The following KLC1 variants were observed in gnomAD, a reference collection of about 807,000 sequenced individuals.
KLC1 encodes kinesin light chain 1.
In KLC1, 30 loss-of-function variants were observed where a neutral mutation model predicts 84.2. That is an observed-to-expected ratio of 0.36 (90% CI 0.27 to 0.48). The LOEUF (loss-of-function observed/expected upper bound fraction) is 0.48. KLC1 is among the 20% of genes least tolerant of loss of function. KLC1 has a pLI of 0.99. For missense variants in KLC1, 499 were observed against 805.4 expected (o/e 0.62, Z 4.60); for synonymous variants, 289 against 293.3 (o/e 0.99, Z 0.15).
At chr14:103,661,696 C>G (rs1395218108) in intron 3 of KLC1, among the ~76,000 whole-genome samples, 3 of 152,118 alleles carry the variant, frequency 2.0e-5, no homozygotes, top group Admixed American at 6.6e-5. Context: ...GCCCCAGAGC[C>G]GATTGTGGTG....
At chr14:103,673,878 G>A (rs1345789976) in intron 9 of KLC1, among the ~76,000 whole-genome samples, 1 of 151,804 alleles carries the variant, frequency 6.6e-6, no homozygotes, top group Non-Finnish European at 1.5e-5. Context: ...AGCCGAGATC[G>A]TGCCACTGCA....
At chr14:103,653,299 C>T (rs1451711848) in intron 1 of KLC1, among the ~76,000 whole-genome samples, 1 of 152,250 alleles carries the variant, frequency 6.6e-6, no homozygotes, top group Admixed American at 6.5e-5. Context: ...CTGCACATAC[C>T]ACCCAGCTAA....
intron 7 of KLC1, among the ~76,000 whole-genome samples, chr14:103,672,429 T>A (rs2080478703): frequency 6.6e-6 from 1 of 152,204 alleles, no homozygotes; most frequent in Admixed American, 6.5e-5. Flanking sequence ...CTCTTGGGGC[T>A]TACATTGTAA....
Position 103,654,647 on chromosome 14 carries a change from C to T in KLC1, c.83C>T (p.Thr28Ile). The change falls in exon 2 of 17, where the codon ACA becomes ATA. Residue 28 changes from threonine to isoleucine, a missense_variant. Coordinates refer to ENST00000334553, the MANE Select transcript of KLC1 (RefSeq NM_001394837.1). ...ACACAGGATGAAATTATTTCTAAGA[C>T]AAAGCAAGTAATTCAGGGGCTGGAA... ...KLTQDEIISKTKQVIQGLEAL... is the reference protein window; with the variant it reads ...KLTQDEIISKIKQVIQGLEAL... 4 of 1,614,074 alleles carry T rather than the reference C, an allele frequency of 2.5e-6. No homozygotes were observed. The highest frequency in any genetic ancestry group is 3.4e-6 in the Non-Finnish European group (4 of 1,179,978).
At chr14:103,636,097 GAA>G (rs1287887111) in intron 1 of KLC1, among the ~76,000 whole-genome samples, 1 of 151,998 alleles carries the variant, frequency 6.6e-6, no homozygotes, top group Non-Finnish European at 1.5e-5. Flanking sequence ...CACATTTCTG[GAA>G]CTCTTTCATC....
At chr14:103,640,160 A>C (rs189425195) in intron 1 of KLC1, among the ~76,000 whole-genome samples, 16 of 152,232 alleles carry the variant, frequency 1.1e-4, no homozygotes, top group African/African-American at 3.9e-4. Context: ...TTCCAGGTTC[A>C]TGCGATTCTA....
At chr14:103,683,550 C>T (rs577055168) in intron 13 of KLC1, 2 of 152,368 alleles carry the variant, frequency 1.3e-5, no homozygotes, top group South Asian at 4.1e-4. Flanking sequence ...AGCACCAGGT[C>T]CCTGTTGGGA....
At chr14:103,689,135 T>C (rs2081950526) in intron 14 of KLC1, among the ~76,000 whole-genome samples, 1 of 152,176 alleles carries the variant, frequency 6.6e-6, no homozygotes, top group South Asian at 2.1e-4. Flanking sequence ...AATTACATGA[T>C]GCCCAGAGAG....
intron 7 of KLC1, among the ~76,000 whole-genome samples, chr14:103,671,328 TG>T: frequency 6.6e-6 from 1 of 152,208 alleles, no homozygotes; most frequent in South Asian, 2.1e-4. Flanking sequence ...TTAGATGTTA[TG>T]AAGATTCGGG....
intron 9 of KLC1, 122 bp from the exon 10 acceptor site, chr14:103,675,430 C>G (rs941034918): frequency 4.1e-6 from 3 of 723,100 alleles, no homozygotes; most frequent in African/African-American, 1.8e-5. Flanking sequence ...TCAAAGTGCT[C>G]CAAAGTTTGA....
At chr14:103,678,213 A>C (rs1240206221) in intron 12 of KLC1, among the ~76,000 whole-genome samples, 1 of 152,238 alleles carries the variant, frequency 6.6e-6, no homozygotes, top group Non-Finnish European at 1.5e-5. Flanking sequence ...CAGTGAGCCG[A>C]GATTGCACTA....
chr14:103,699,586 C>T (rs767397371), intron 15 of KLC1: 6 of 1,613,278 alleles, frequency 3.7e-6, no homozygotes, highest in Non-Finnish European at 5.1e-6. Context: ...CCTGTGGGGA[C>T]AGCTGTCATT....
At chr14:103,629,969 G>T (rs1240947919) in intron 1 of KLC1, among the ~76,000 whole-genome samples, 1 of 152,102 alleles carries the variant, frequency 6.6e-6, no homozygotes, top group East Asian at 1.9e-4. Context: ...GGCTTTGTCC[G>T]ATTCCTCCTC....
intron 9 of KLC1, among the ~76,000 whole-genome samples, chr14:103,674,872 C>T (rs2094709665): frequency 1.3e-5 from 2 of 152,166 alleles, no homozygotes; most frequent in South Asian, 4.1e-4. Context: ...CTAGCATTTG[C>T]TGGGGTGTCT....
intron 13 of KLC1, chr14:103,685,474 G>A (rs2081710559): frequency 8.0e-7 from 1 of 1,242,456 alleles, no homozygotes; most frequent in Non-Finnish European, 1.0e-6. Flanking sequence ...GCTTTATGCT[G>A]GACTGGTAGA....
intron 1 of KLC1, among the ~76,000 whole-genome samples, chr14:103,641,827 G>T (rs2077514932): frequency 6.6e-6 from 1 of 152,108 alleles, no homozygotes; most frequent in South Asian, 2.1e-4. Context: ...TTACCATGTT[G>T]CCCAGACTGG....
intron 5 of KLC1, among the ~76,000 whole-genome samples, chr14:103,666,426 G>A (rs2079835746): frequency 6.6e-6 from 1 of 151,914 alleles, no homozygotes; most frequent in African/African-American, 2.4e-5. Context: ...CACTCCCAGA[G>A]TTTCTGATTC....
At chr14:103,663,026 T>G in intron 5 of KLC1, 99 bp downstream of exon 5, 1 of 740,240 alleles carries the variant, frequency 1.4e-6, no homozygotes, top group Non-Finnish European at 2.1e-6. Flanking sequence ...TATAAACTAT[T>G]TTTCAACCAT....
intron 14 of KLC1, chr14:103,688,121 T>G (rs967828359): frequency 6.6e-6 from 1 of 152,276 alleles, no homozygotes; most frequent in Non-Finnish European, 1.5e-5. Flanking sequence ...TAAAGTTATG[T>G]GCCTGATCAG....
Sources: allele counts gnomAD v4.1 joint callset (sites outside exome capture counted in the v4.1 genomes callset), GRCh38; gene constraint gnomAD v4.1.1; transcripts MANE v1.5; gene names NCBI Gene and HGNC (gene_info 2026-07-23, HGNC 2026-07-21).